MCEE: variants seen among roughly 807,000 people sequenced by gnomAD.
MCEE encodes methylmalonyl-CoA epimerase.
A neutral mutation model predicts 12.9 loss-of-function variants in MCEE; 6 were observed. That is an observed-to-expected ratio of 0.47 (90% CI 0.26 to 0.92). MCEE has a LOEUF of 0.92. Among genes scored for constraint, MCEE ranks in the 40% least tolerant of loss-of-function variants. The pLI, the probability that MCEE is intolerant of heterozygous loss-of-function variation, is 0.16. For missense variants in MCEE, 214 were observed against 212.1 expected, an observed-to-expected ratio of 1.01 and a Z score of -0.05; for synonymous variants, 78 against 77.9, an observed-to-expected ratio of 1.00 and a Z score of -0.01.
intron 2 of MCEE, among the ~76,000 whole-genome samples, chr2:71,111,479 C>T (rs1238543474): frequency 6.6e-6 from 1 of 152,098 alleles, no homozygotes; most frequent in African/African-American, 2.4e-5. Flanking sequence ...AGCCAAAGCC[C>T]TTCTGAGTAC....
At chr2:71,118,650 T>C (rs1160887275) in intron 2 of MCEE, among the ~76,000 whole-genome samples, 1 of 149,820 alleles carries the variant, frequency 6.7e-6, no homozygotes, top group East Asian at 1.9e-4. Flanking sequence ...GCCTCTTTTA[T>C]AAGGACACTA....
chr2:71,110,099 C>T lies in MCEE; in HGVS notation c.402G>A (p.Val134=), dbSNP rs1672857472. The change falls in exon 3 of 3, where the codon GTG becomes GTA. Residue 134 remains valine, a synonymous_variant. Transcript: ENST00000244217. ...CIEVDNINAA[V]MDLKKKKIRS... ...GGATCTTCTTTTTTTTCAAATCCAT[C>T]ACAGCTGCATTAATATTATCCACCT... 6.2e-7 allele frequency: 1 copy of T among 1,613,126 alleles called. No homozygotes were observed. Among genetic ancestry groups the T allele is most frequent in the African/African-American group, 1.3e-5 (1 of 74,978 alleles).
At chr2:71,123,161 A>C (rs1205033271) in intron 2 of MCEE, among the ~76,000 whole-genome samples, 2 of 152,194 alleles carry the variant, frequency 1.3e-5, no homozygotes, top group Non-Finnish European at 2.9e-5. Context: ...CCTTGAATTC[A>C]CTCTAGAATC....
At chr2:71,112,968 T>C (rs1163381553) in intron 2 of MCEE, among the ~76,000 whole-genome samples, 1 of 152,266 alleles carries the variant, frequency 6.6e-6, no homozygotes, top group African/African-American at 2.4e-5. Context: ...TCCATATTTT[T>C]TACCTCTTGA....
intron 1 of MCEE, among the ~76,000 whole-genome samples, chr2:71,126,783 G>T (rs1414103922): frequency 6.6e-6 from 1 of 152,090 alleles, no homozygotes; most frequent in South Asian, 2.1e-4. Flanking sequence ...TTTCCAGCTT[G>T]AGGTATGATG....
At chr2:71,117,737 C>A (rs1269949834) in intron 2 of MCEE, 1 of 150,240 alleles carries the variant, frequency 6.7e-6, no homozygotes, top group Non-Finnish European at 1.5e-5. Flanking sequence ...TTTTCCCCAG[C>A]AGCCTGCAAC....
At chr2:71,117,445 T>A (rs1237660894) in intron 2 of MCEE, 3 of 150,490 alleles carry the variant, frequency 2.0e-5, no homozygotes, top group Non-Finnish European at 4.4e-5. Context: ...GAGAATAAAA[T>A]TTTTTAAAAA....
intron 2 of MCEE, among the ~76,000 whole-genome samples, chr2:71,118,150 CAT>C (rs1673032065): frequency 6.7e-6 from 1 of 150,148 alleles, no homozygotes; most frequent in African/African-American, 2.5e-5. Context: ...CCCCCTACCC[CAT>C]GTGAACATCT....
In MCEE at chr2:71,120,882, T is replaced by C. The variant is rs189727231; in HGVS notation, c.378+3324A>G. ...CCTCCCAAGTAGCTGGAATTACAGG[T>C]GTGCGCCGCCACGTCCAGCTAATTT... On this transcript the variant is annotated intron_variant, in intron 2 of 2. Transcript: ENST00000244217. 3.3e-3 allele frequency among the ~76,000 whole-genome samples: 501 copies of C among 152,078 alleles called. 2 individuals are homozygous for C. The highest frequency in any genetic ancestry group is 0.011 in the African/African-American group (473 of 41,502).
chr2:71,130,196 T>G lies in MCEE; in HGVS notation c.24A>C (p.Ala8=). 2.5e-6 allele frequency: 4 copies of G among 1,608,582 alleles called. No individual in the cohort carries two copies. The highest frequency in any genetic ancestry group is 1.7e-5 in the Admixed American group (1 of 59,600). The change falls in exon 1 of 3, where the codon GCA becomes GCC. Residue 8 remains alanine (A), a synonymous_variant. Transcript: ENST00000244217. ...GGTATTCACCTACGGCATTCGCGGC[T>G]GCAGCCTTCAGCACCCGCGCCATTT... MARVLKA[A]AANAVGLFSR...
intron 1 of MCEE, among the ~76,000 whole-genome samples, chr2:71,126,448 G>A (rs995712815): frequency 1.3e-5 from 2 of 151,236 alleles, no homozygotes; most frequent in Non-Finnish European, 2.9e-5. Flanking sequence ...GGCTGGTCTC[G>A]AACTCCTGAC....
intron 1 of MCEE, among the ~76,000 whole-genome samples, chr2:71,127,728 G>C (rs903507328): frequency 2.0e-5 from 3 of 152,218 alleles, no homozygotes; most frequent in Admixed American, 2.0e-4. Flanking sequence ...CCAGGTTCAA[G>C]CAATTCTCCT....
At position 71,130,163 on chromosome 2, in the gene MCEE, C is replaced by T. The variant is rs369244420; in HGVS notation, c.40+17G>A. The T allele has an allele frequency of 5.6e-6, 9 of 1,607,134 alleles. No homozygotes were observed. The highest frequency in any genetic ancestry group is 1.6e-4 in the Middle Eastern group (1 of 6,076). On this transcript the variant is annotated intron_variant, in intron 1 of 2. Transcript: ENST00000244217. ...CTCCCTGTCCCATGGCGAAGGTCGC[C>T]GGTGCCCGGTATTCACCTACGGCAT...
intron 2 of MCEE, among the ~76,000 whole-genome samples, chr2:71,115,331 CTATGA>C (rs1672969643): frequency 6.6e-6 from 1 of 152,176 alleles, no homozygotes; most frequent in African/African-American, 2.4e-5. Flanking sequence ...CTGAAGTGAG[CTATGA>C]TGGTGCCACT....
At chr2:71,125,226 T>TTTTTTTTTTTTTA (rs1673200186) in intron 1 of MCEE, among the ~76,000 whole-genome samples, 2 of 135,280 alleles carry the variant, frequency 1.5e-5, no homozygotes, top group Non-Finnish European at 3.2e-5. Context: ...TTTTTTTTTT[T>TTTTTTTTTTTTTA]GAGACGGAGT....
intron 2 of MCEE, among the ~76,000 whole-genome samples, chr2:71,111,394 T>G (rs915157115): frequency 4.6e-5 from 7 of 152,150 alleles, no homozygotes; most frequent in Non-Finnish European, 1.0e-4. Flanking sequence ...ATATCAATAT[T>G]ATTAAGCTTT....
At chr2:71,119,282 T>C (rs1450261504) in intron 2 of MCEE, among the ~76,000 whole-genome samples, 1 of 150,212 alleles carries the variant, frequency 6.7e-6, no homozygotes, top group Non-Finnish European at 1.5e-5. Flanking sequence ...CAGGGTACAG[T>C]CTATTCCTCC....
chr2:71,116,979 G>A (rs1360569430), intron 2 of MCEE: 1 of 150,556 alleles, frequency 6.6e-6, no homozygotes, highest in Non-Finnish European at 1.5e-5. Flanking sequence ...AATCCTCAAT[G>A]ACCAAATTTT....
rs1673188835 is a variant in MCEE, at chr2:71,125,117, G to A, written c.41-574C>T. 2.0e-5 allele frequency among the ~76,000 whole-genome samples: 3 copies of A among 147,630 alleles called. No homozygotes were observed. The South Asian group carries it at 6.4e-4, about 32-fold the overall frequency. ...TTCACTGGCCTCAGCCTCCCAAGTA[G>A]CTGGGATTACAGGTGCCTGTCACCA... On this transcript the variant is annotated intron_variant, in intron 1 of 2. Coordinates refer to ENST00000244217, the MANE Select transcript of MCEE (RefSeq NM_032601.4).
Sources: gnomAD v4.1 joint callset for allele counts (sites outside exome capture counted in the v4.1 genomes callset) on GRCh38, gnomAD v4.1.1 for gene constraint, MANE v1.5 for transcripts, NCBI Gene and HGNC (gene_info 2026-07-23, HGNC 2026-07-21) for gene names.